TRAPPC9: variants seen among roughly 807,000 people sequenced by gnomAD.
TRAPPC9 encodes the protein trafficking protein particle complex subunit 9.
Under a neutral mutation model 124.0 loss-of-function variants are expected in TRAPPC9, and 83 were observed. The observed-to-expected ratio is 0.67, with a 90% CI of 0.56 to 0.80. The LOEUF is 0.80. Among genes scored for constraint, TRAPPC9 ranks in the 30% least tolerant of loss-of-function variants. TRAPPC9 has a pLI of 0.00. For synonymous variants in TRAPPC9, 638 were observed against 617.5 expected, an observed-to-expected ratio of 1.03 and a Z score of -0.49; for missense variants, 1,302 against 1,508.3, an observed-to-expected ratio of 0.86 and a Z score of 2.27.
chr8:140,437,692 C>T (rs1404327490), intron 3 of TRAPPC9, among the ~76,000 whole-genome samples: 1 of 152,218 alleles, frequency 6.6e-6, no homozygotes, highest in Admixed American at 6.5e-5. Flanking sequence ...TTACAGAACT[C>T]ACCTCATTAC....
At chr8:140,152,466 T>C (rs1471910136) in intron 17 of TRAPPC9, among the ~76,000 whole-genome samples, 1 of 148,074 alleles carries the variant, frequency 6.8e-6, no homozygotes, top group Non-Finnish European at 1.5e-5. Context: ...GTTCACGCCA[T>C]TCTCCTGCCT....
At chr8:140,384,738 CT>C (rs1329610096) in intron 7 of TRAPPC9, among the ~76,000 whole-genome samples, 1 of 152,196 alleles carries the variant, frequency 6.6e-6, no homozygotes, top group African/African-American at 2.4e-5. Context: ...TAACACCCCA[CT>C]GTCAACATTA....
At chr8:140,440,803 G>A (rs1435657579) in intron 2 of TRAPPC9, among the ~76,000 whole-genome samples, 2 of 151,890 alleles carry the variant, frequency 1.3e-5, no homozygotes, top group African/African-American at 4.8e-5. Context: ...CACTCCACAG[G>A]CAACCTTGCT....
intron 17 of TRAPPC9, among the ~76,000 whole-genome samples, chr8:140,055,505 T>C (rs896114753): frequency 6.6e-6 from 1 of 152,180 alleles, no homozygotes; most frequent in African/African-American, 2.4e-5. Context: ...AACACAGTAG[T>C]GGAAGTCCCA....
intron 19 of TRAPPC9, among the ~76,000 whole-genome samples, chr8:139,921,672 G>A (rs1832510756): frequency 6.6e-6 from 1 of 151,670 alleles, no homozygotes; most frequent in African/African-American, 2.4e-5. Context: ...CAAAGAGCCA[G>A]GTGGACTAGT....
intron 8 of TRAPPC9, among the ~76,000 whole-genome samples, chr8:140,364,046 G>A (rs1173127521): frequency 2.6e-5 from 4 of 152,130 alleles, no homozygotes; most frequent in South Asian, 2.1e-4. Context: ...GGACCTCTCC[G>A]AAGAAATGGC....
chr8:140,215,437 G>T (rs2063167891), intron 17 of TRAPPC9, among the ~76,000 whole-genome samples: 1 of 152,032 alleles, frequency 6.6e-6, no homozygotes, highest in African/African-American at 2.4e-5. Flanking sequence ...GAGCTCCGGA[G>T]TTCGGGACCA....
At chr8:140,266,825 A>C (rs1162472761) in intron 15 of TRAPPC9, among the ~76,000 whole-genome samples, 1 of 151,978 alleles carries the variant, frequency 6.6e-6, no homozygotes, top group Non-Finnish European at 1.5e-5. Context: ...GCGCCACTGC[A>C]CTCCAGCCTG....
At chr8:140,381,938 T>C (rs2068622605) in intron 7 of TRAPPC9, among the ~76,000 whole-genome samples, 2 of 152,216 alleles carry the variant, frequency 1.3e-5, no homozygotes, top group African/African-American at 2.4e-5. Flanking sequence ...CTGCTAAGTA[T>C]ATACCCAAGA....
At chr8:139,766,584 G>C (rs1563798197) in intron 21 of TRAPPC9, among the ~76,000 whole-genome samples, 1 of 152,208 alleles carries the variant, frequency 6.6e-6, no homozygotes, top group South Asian at 2.1e-4. Flanking sequence ...GTTCAGATCA[G>C]GACCTGGGAG....
At chr8:139,836,995 G>T (rs1826404235) in intron 21 of TRAPPC9, among the ~76,000 whole-genome samples, 1 of 69,504 alleles carries the variant, frequency 1.4e-5, no homozygotes, top group Non-Finnish European at 2.6e-5. Context: ...AGCGATCTGG[G>T]TTCAAGTCCT....
rs548512705 is a variant in TRAPPC9, at chr8:139,745,844, A to G, written c.3056-13642T>C. ...TCTGAGCTCAAATGTACAAATCTATAGCACATGGGTAAACTGAGTCGGTGG... is the reference window on the plus strand; with the variant it reads ...TCTGAGCTCAAATGTACAAATCTATGGCACATGGGTAAACTGAGTCGGTGG... On this transcript the variant is annotated intron_variant, in intron 21 of 22. Transcript: ENST00000438773. 1.3e-3 allele frequency among the ~76,000 whole-genome samples: 200 copies of G among 152,398 alleles called. 1 individual carries two copies. The highest frequency in any genetic ancestry group is 4.6e-3 in the African/African-American group (193 of 41,598).
Position 139,847,373 on chromosome 8 carries a change from AG to A in TRAPPC9, c.3055+38505del, listed in dbSNP as rs1175436458. On this transcript the variant is annotated intron_variant, in intron 21 of 22. Transcript: ENST00000438773. ...TGGAATCAATGCAATTAATTCAGTC[AG>A]AAGGAAAGACACGTGCAAGCACAGG... Among the ~76,000 whole-genome samples the A allele has an allele frequency of 2.6e-5, 4 of 152,380 alleles. No homozygotes were observed. The East Asian group carries it at 5.8e-4, about 22-fold the overall frequency.
chr8:140,144,857 A>C (rs1474888975), intron 17 of TRAPPC9, among the ~76,000 whole-genome samples: 1 of 150,532 alleles, frequency 6.6e-6, no homozygotes, highest in East Asian at 2.0e-4. Flanking sequence ...AATAGAGGAA[A>C]CCTGTTGAAC....
intron 21 of TRAPPC9, among the ~76,000 whole-genome samples, chr8:139,755,953 G>A (rs1476320126): frequency 1.5e-5 from 2 of 135,228 alleles, no homozygotes; most frequent in Admixed American, 7.0e-5. Context: ...GGTCGCAGGA[G>A]GAGCCAGGGT....
At chr8:139,970,548 C>A (rs1835993764) in intron 19 of TRAPPC9, among the ~76,000 whole-genome samples, 1 of 152,174 alleles carries the variant, frequency 6.6e-6, no homozygotes, top group Admixed American at 6.5e-5. Flanking sequence ...CAGCCTGTCC[C>A]AGAGACCTCA....
chr8:139,945,540 T>C (rs1262763926), intron 19 of TRAPPC9, among the ~76,000 whole-genome samples: 2 of 25,420 alleles, frequency 7.9e-5, no homozygotes, highest in Admixed American at 1.6e-3. Context: ...ACAGCACAAT[T>C]AGCAAAAAAA....
rs1844305646 is a variant in TRAPPC9 at position 140,087,932 on chromosome 8, T to C, written c.2557-63853A>G. On this transcript the variant is annotated intron_variant, in intron 17 of 22. Transcript: ENST00000438773. This position sits in a 1 kb window ranked among gnomAD's most constrained non-coding sequence, Gnocchi z 4.6. ...TCCCAGCTCCTCCATTACCACGTGG[T>C]ACCATCTCTGGGCCTCTGCACCAGC... 6.6e-6 allele frequency among the ~76,000 whole-genome samples: 1 copy of C among 151,810 alleles called. No homozygotes were observed. Among genetic ancestry groups the C allele is most frequent in the Admixed American group, 6.6e-5 (1 of 15,266 alleles).
intron 19 of TRAPPC9, among the ~76,000 whole-genome samples, chr8:139,978,823 G>A (rs572450019): frequency 6.6e-6 from 1 of 152,370 alleles, no homozygotes; most frequent in South Asian, 2.1e-4. Context: ...GACAGATGAG[G>A]GGCTGAAGGC....
Sources: gnomAD v4.1 joint callset for allele counts (sites outside exome capture counted in the v4.1 genomes callset) on GRCh38, gnomAD v4.1.1 for gene constraint, Gnocchi (gnomAD v3.1) non-coding constraint, MANE v1.5 for transcripts, NCBI Gene and HGNC (gene_info 2026-07-23, HGNC 2026-07-21) for gene names.